Variants in PTK2 observed in about 807,000 individuals in gnomAD.
PTK2 encodes the protein focal adhesion kinase 1.
Under a neutral mutation model 150.1 loss-of-function variants are expected in PTK2, and 45 were observed. That is an observed-to-expected ratio of 0.30 (90% CI 0.24 to 0.38). PTK2 has a LOEUF of 0.38. Among genes scored for constraint, PTK2 ranks in the 10% least tolerant of loss-of-function variants. The pLI is 1.00. For missense variants in PTK2, 919 were observed against 1,307.3 expected (o/e 0.70, Z 4.58); for synonymous variants, 432 against 449.2 (o/e 0.96, Z 0.48).
At chr8:140,837,862 C>G (rs1465372740) in intron 7 of PTK2, among the ~76,000 whole-genome samples, 1 of 152,080 alleles carries the variant, frequency 6.6e-6, no homozygotes, top group African/African-American at 2.4e-5. Context: ...AGTTCAAAAT[C>G]AGCCTGGCCA....
rs145558561 is a variant in PTK2, at chr8:140,674,379, C to T, written c.2628G>A (p.Pro876=). The T allele has an allele frequency of 2.2e-5, 35 of 1,601,824 alleles. No individual in the cohort carries two copies. In the East Asian group the frequency reaches 2.9e-4, roughly 13 times the overall value. The change falls in exon 29 of 32, where the codon CCG becomes CCA. Residue 876 remains proline (P), a synonymous_variant. Coordinates refer to ENST00000522684, the Ensembl canonical transcript of PTK2. ...GATGACCGGGAGCTCCAGGGCGAGGCGGTTTCTTTGGTGGAGCTGCAGGAT... is the reference window on the plus strand; with the variant it reads ...GATGACCGGGAGCTCCAGGGCGAGGTGGTTTCTTTGGTGGAGCTGCAGGAT...
intron 1 of PTK2, among the ~76,000 whole-genome samples, chr8:140,959,747 C>T (rs1024972908): frequency 5.9e-5 from 9 of 152,010 alleles, no homozygotes; most frequent in Non-Finnish European, 1.2e-4. Context: ...AATTCTAGCA[C>T]TTTGGGAGGC....
At chr8:140,926,722 A>G (rs909101338) in intron 1 of PTK2, among the ~76,000 whole-genome samples, 2 of 152,230 alleles carry the variant, frequency 1.3e-5, no homozygotes, top group Non-Finnish European at 2.9e-5. Flanking sequence ...AGTGAAATAC[A>G]AAAAATAGAT....
chr8:140,660,167 T>C (rs10088475), intron 31 of PTK2, among the ~76,000 whole-genome samples: 70,004 of 151,952 alleles, frequency 0.46, 16,239 homozygotes, highest in Non-Finnish European at 0.49. Context: ...CCATTTGCGC[T>C]GTTTAGACTT....
At chr8:140,885,177 G>T (rs1302202056) in intron 3 of PTK2, among the ~76,000 whole-genome samples, 2 of 152,234 alleles carry the variant, frequency 1.3e-5, no homozygotes, top group African/African-American at 4.8e-5. Flanking sequence ...AGAGATATCA[G>T]TAAAGTGGGG....
intron 31 of PTK2, chr8:140,660,486 G>A (rs954124996): frequency 1.5e-5 from 6 of 405,916 alleles, no homozygotes; most frequent in African/African-American, 8.1e-5. Context: ...CACTTTGGGC[G>A]GCGGAGGCAG....
At chr8:140,846,420 A>G in intron 6 of PTK2, 98 bp from the exon 7 acceptor site, 2 of 1,299,148 alleles carry the variant, frequency 1.5e-6, no homozygotes, top group South Asian at 2.5e-5. Flanking sequence ...ATAATAAACA[A>G]AAATTAACAG....
chr8:140,758,335 T>C (rs2100067114), intron 16 of PTK2, among the ~76,000 whole-genome samples: 1 of 152,194 alleles, frequency 6.6e-6, no homozygotes, highest in African/African-American at 2.4e-5. Flanking sequence ...GTGATCTTCC[T>C]GCCTCAGTCT....
At chr8:140,725,137 T>G (rs2100044996) in intron 22 of PTK2, among the ~76,000 whole-genome samples, 1 of 150,652 alleles carries the variant, frequency 6.6e-6, no homozygotes, top group Admixed American at 6.6e-5. Context: ...GTACCTTTAT[T>G]TTTTTCTATT....
intron 15 of PTK2, 62 bp from the exon 19 acceptor site, chr8:140,761,324 T>C: frequency 7.9e-7 from 1 of 1,271,930 alleles, no homozygotes. Flanking sequence ...GAAATAACAC[T>C]TGACGTATTT....
chr8:140,786,808 G>A (rs1330422664), intron 14 of PTK2, among the ~76,000 whole-genome samples: 1 of 152,064 alleles, frequency 6.6e-6, no homozygotes, highest in Non-Finnish European at 1.5e-5. Context: ...TCACCTAAGT[G>A]ATAGTCATAT....
intron 17 of PTK2, 112 bp downstream of exon 20, chr8:140,752,119 AC>A: frequency 2.2e-6 from 2 of 900,688 alleles, no homozygotes; most frequent in Admixed American, 4.2e-5. Flanking sequence ...AAAATAATAA[AC>A]ATAGTTGTCT....
intron 22 of PTK2, among the ~76,000 whole-genome samples, chr8:140,721,435 T>C (rs1322095960): frequency 1.3e-5 from 2 of 152,160 alleles, no homozygotes; most frequent in Admixed American, 6.5e-5. Context: ...TGAGGTAATA[T>C]AGCTTCACCC....
chr8:140,973,328 G>T (rs1021120200), intron 1 of PTK2, among the ~76,000 whole-genome samples: 25 of 152,208 alleles, frequency 1.6e-4, no homozygotes, highest in African/African-American at 5.1e-4. Flanking sequence ...CCTTTGGATG[G>T]GGCTGGAGAG....
chr8:140,955,212 A>T (rs1319437312), intron 1 of PTK2, among the ~76,000 whole-genome samples: 2 of 152,198 alleles, frequency 1.3e-5, no homozygotes. Flanking sequence ...TGTAGCTCCC[A>T]TAATTCCCAT....
At chr8:140,946,990 T>A (rs927155850) in intron 1 of PTK2, among the ~76,000 whole-genome samples, 1 of 152,206 alleles carries the variant, frequency 6.6e-6, no homozygotes, top group Non-Finnish European at 1.5e-5. Flanking sequence ...CATTTCATGA[T>A]TCAATACAAA....
At chr8:140,927,975 A>AAAAAAAAAAAAAAAAAAAAT in intron 1 of PTK2, among the ~76,000 whole-genome samples, 2 of 48,194 alleles carry the variant, frequency 4.1e-5, no homozygotes, top group Admixed American at 3.9e-4. Flanking sequence ...AAAAAAAAAA[A>AAAAAAAAAAAAAAAAAAAAT]ATATATATAT....
intron 3 of PTK2, chr8:140,890,278 A>C (rs1011093732): frequency 4.9e-5 from 18 of 366,846 alleles, no homozygotes; most frequent in Non-Finnish European, 7.7e-5. Flanking sequence ...AAAAAAAAAA[A>C]AAACCTAGAA....
intron 2 of PTK2, 60 bp from the exon 3 acceptor site, chr8:140,890,829 T>C (rs2100153985): frequency 2.9e-6 from 4 of 1,399,360 alleles, no homozygotes; most frequent in Non-Finnish European, 4.0e-6. Flanking sequence ...AATTACAATG[T>C]GATATGTTGT....
Sources: allele counts gnomAD v4.1 joint callset (sites outside exome capture counted in the v4.1 genomes callset), GRCh38; gene constraint gnomAD v4.1.1; transcripts MANE v1.5; gene names NCBI Gene and HGNC (gene_info 2026-07-23, HGNC 2026-07-21).